The following DMBT1 variants were observed in gnomAD, a reference collection of about 807,000 sequenced individuals.
DMBT1 encodes the protein deleted in malignant brain tumors 1.
In DMBT1, 198 loss-of-function variants were observed where a neutral mutation model predicts 252.9. That is an observed-to-expected ratio of 0.78 (90% CI 0.70 to 0.88). The LOEUF is 0.88. Ranked by LOEUF, DMBT1 falls within the 40% of genes least tolerant of loss-of-function variation. The probability of loss-of-function intolerance (pLI) is 0.00; values close to 1 mark genes in which losing one functional copy is unlikely to be tolerated. For missense variants in DMBT1, 2,432 were observed against 2,404.7 expected, an observed-to-expected ratio of 1.01 and a Z score of -0.24; for synonymous variants, 990 against 942.7, an observed-to-expected ratio of 1.05 and a Z score of -0.92.
chr10:122,563,347 A>G (rs954979763), intron 1 of DMBT1, among the ~76,000 whole-genome samples: 2 of 152,206 alleles, frequency 1.3e-5, no homozygotes, highest in African/African-American at 4.8e-5. Flanking sequence ...ACTACTCTAG[A>G]CATTTTCCTC....
chr10:122,570,111 C>T, intron 2 of DMBT1, 51 bp from the exon 3 acceptor site: 1 of 1,516,458 alleles, frequency 6.6e-7, no homozygotes, highest in Non-Finnish European at 9.2e-7. Context: ...GGGACCAGCC[C>T]TCCCCAAGCA....
In DMBT1 at chr10:122,579,556, G is replaced by A. The variant is rs776674261; in HGVS notation, c.680-22G>A. 1.9e-5 allele frequency: 30 copies of A among 1,612,522 alleles called. No homozygotes were observed. In the Admixed American group the frequency reaches 4.8e-4, roughly 26 times the overall value. ...TGACCTCATGATAGGGATGGATGAAGGGTTCTTGTGTTCCCCTGTAGGATC... is the reference window on the plus strand; with the variant it reads ...TGACCTCATGATAGGGATGGATGAAAGGTTCTTGTGTTCCCCTGTAGGATC... On this transcript the variant is annotated intron_variant, in intron 9 of 55. Coordinates refer to ENST00000338354, the MANE Select transcript of DMBT1 (RefSeq NM_001377530.1).
At position 122,589,564 on chromosome 10, in the gene DMBT1, A is replaced by G. The variant is rs1468762507; in HGVS notation, c.2107+297A>G. Among the ~76,000 whole-genome samples the G allele has an allele frequency of 2.0e-5, 3 of 148,172 alleles. 1 individual carries two copies. Reference sequence around the variant, plus strand: ...GGTCTTTGCATTTTAGTGTGGCTGGAAAGGAATGGCTGGGGTCAGGTTATT... The same window carrying G: ...GGTCTTTGCATTTTAGTGTGGCTGGGAAGGAATGGCTGGGGTCAGGTTATT... On this transcript the variant is annotated intron_variant, in intron 17 of 55. Transcript: ENST00000338354.
intron 50 of DMBT1, 92 bp downstream of exon 50, chr10:122,631,967 C>T: frequency 7.1e-7 from 1 of 1,416,932 alleles, no homozygotes; most frequent in Admixed American, 1.7e-5. Context: ...GCTCACTCTC[C>T]AAGGAGTTCA....
rs1565893279 is a variant in DMBT1 at position 122,620,308 on chromosome 10, C to A, written c.5284+17C>A. On this transcript the variant is annotated intron_variant, in intron 43 of 55. Coordinates refer to ENST00000338354, the MANE Select transcript of DMBT1 (RefSeq NM_001377530.1). ...TGACAGTAGGTAAATAATCCTCTCGCCCCTCCCTAGGGCTCACTCTCTACC... is the reference window on the plus strand; with the variant it reads ...TGACAGTAGGTAAATAATCCTCTCGACCCTCCCTAGGGCTCACTCTCTACC... 4.3e-6 allele frequency: 7 copies of A among 1,613,818 alleles called. 1 individual carries two copies. In the South Asian group the frequency reaches 7.7e-5, roughly 18 times the overall value.
Position 122,594,515 on chromosome 10 carries a change from T to A in DMBT1, c.2550T>A (p.His850Gln). 1 of 426,502 alleles carries A rather than the reference T, an allele frequency of 2.3e-6. No individual in the cohort carries two copies. The highest frequency in any genetic ancestry group is 2.3e-5 in the South Asian group (1 of 43,958). The allele number at this position is 426,502 out of a possible 1,614,324, so 26.4% of individuals were successfully genotyped here. A position where few individuals can be genotyped will look rare whatever the true frequency, so the allele number is the denominator to read the frequency against. ...TTACAGATACTTGGCCGACCTCACATGCATCAACAGCAGGTAAATAACCCT... is the reference window on the plus strand; with the variant it reads ...TTACAGATACTTGGCCGACCTCACAAGCATCAACAGCAGGTAAATAACCCT... ...TPSPDTWPTS[H>Q]ASTAGPESSL... The change falls in exon 22 of 56, where the codon CAT (histidine) becomes CAA (glutamine). Residue 850 changes from histidine to glutamine, a missense_variant. Physicochemically the swap from His to Gln is conservative, Grantham distance 24. Around this residue, in one of 3 missense-constraint regions of DMBT1, gnomAD observed 1,264 missense variants for 1,082.2 expected, o/e 1.17. Transcript: ENST00000338354.
At chr10:122,634,793 G>A (rs1366627668) in intron 52 of DMBT1, among the ~76,000 whole-genome samples, 1 of 152,136 alleles carries the variant, frequency 6.6e-6, no homozygotes, top group Non-Finnish European at 1.5e-5. Context: ...CACCATGCCT[G>A]ATGTCAAAAG....
intron 48 of DMBT1, 24 bp downstream of exon 48, chr10:122,630,514 T>C (rs2098153989): frequency 1.2e-6 from 2 of 1,609,630 alleles, no homozygotes; most frequent in Non-Finnish European, 1.7e-6. Context: ...AGACCATGCC[T>C]ATGAGGCTTG....
intron 46 of DMBT1, among the ~76,000 whole-genome samples, chr10:122,628,288 C>T (rs767599655): frequency 1.3e-5 from 2 of 152,076 alleles, no homozygotes; most frequent in Non-Finnish European, 2.9e-5. Context: ...CATGGTGAAT[C>T]GAGAAACAAA....
intron 2 of DMBT1, among the ~76,000 whole-genome samples, chr10:122,568,247 C>T (rs903704032): frequency 8.6e-5 from 13 of 152,012 alleles, no homozygotes; most frequent in African/African-American, 3.1e-4. Flanking sequence ...AGGGAAGAGG[C>T]TGTGTTGAGT....
intron 42 of DMBT1, among the ~76,000 whole-genome samples, chr10:122,620,030 G>C (rs1030441995): frequency 2.6e-5 from 4 of 152,162 alleles, no homozygotes; most frequent in Non-Finnish European, 5.9e-5. Flanking sequence ...GCTGAGAAGA[G>C]GACATCTCAC....
chr10:122,588,979 G>A lies in DMBT1; in HGVS notation c.1819G>A (p.Gly607Arg). 1.3e-6 allele frequency: 2 copies of A among 1,588,500 alleles called. No individual in the cohort carries two copies. The highest frequency in any genetic ancestry group is 8.6e-7 in the Non-Finnish European group (1 of 1,165,866). Residue 607 changes from glycine (G) to arginine (R), a missense_variant, in exon 17 of 56, where the codon GGA (glycine) becomes AGA (arginine). By Grantham distance (125) the Gly-to-Arg change is moderately radical. This residue lies in a region of DMBT1 where 1,264 missense variants were observed against 1,082.2 expected (regional missense o/e 1.17). Transcript: ENST00000338354. ...ESSLALRLVN[G>R]GDRCQGRVEV... ...CAGTTTGGCCCTGAGGCTGGTGAATGGAGGTGACAGGTGTCAGGGCCGAGT... is the reference window on the plus strand; with the variant it reads ...CAGTTTGGCCCTGAGGCTGGTGAATAGAGGTGACAGGTGTCAGGGCCGAGT...
chr10:122,576,807 G>T, intron 7 of DMBT1, 85 bp downstream of exon 7: 2 of 1,553,566 alleles, frequency 1.3e-6, no homozygotes, highest in East Asian at 4.5e-5. Context: ...TAGGCAGATT[G>T]CTTGAGCTCA....
At position 122,600,014 on chromosome 10, in the gene DMBT1, C is replaced by T. The variant is rs548773752; in HGVS notation, c.3281-50C>T. 439 of 1,604,260 alleles carry T rather than the reference C, an allele frequency of 2.7e-4. 20 individuals are homozygous for T. In the South Asian group the frequency reaches 4.2e-3, roughly 15 times the overall value. On this transcript the variant is annotated intron_variant, in intron 26 of 55. Transcript: ENST00000338354. ...TCTTTCCCTCCTCGTTCCACTTTGC[C>T]GACTTCTGTGTAATGTTCCTGATCT...
chr10:122,630,076 G>C, intron 47 of DMBT1, 83 bp downstream of exon 47: 2 of 1,565,192 alleles, frequency 1.3e-6, no homozygotes, highest in Non-Finnish European at 1.7e-6. Context: ...GGGCTGGGAT[G>C]CTTTTCACTC....
At chr10:122,618,540 C>G (rs547151999) in intron 41 of DMBT1, among the ~76,000 whole-genome samples, 200 bp downstream of exon 41, 1 of 152,160 alleles carries the variant, frequency 6.6e-6, no homozygotes, top group Non-Finnish European at 1.5e-5. Flanking sequence ...GCCAGGGCTC[C>G]GAACTGAAAC....
intron 1 of DMBT1, among the ~76,000 whole-genome samples, chr10:122,563,392 G>A (rs1005853250): frequency 6.6e-6 from 1 of 152,146 alleles, no homozygotes; most frequent in African/African-American, 2.4e-5. Flanking sequence ...TAAAAGTAAT[G>A]TGAGCTCTTG....
intron 25 of DMBT1, 41 bp downstream of exon 25, chr10:122,598,053 C>A (rs1468314898): frequency 6.2e-7 from 1 of 1,612,998 alleles, no homozygotes; most frequent in African/African-American, 1.3e-5. Context: ...TCACTCTCTA[C>A]CTCTGGACAA....
intron 52 of DMBT1, 72 bp downstream of exon 52, chr10:122,633,413 G>A (rs554162364): frequency 6.4e-7 from 1 of 1,560,064 alleles, no homozygotes; most frequent in East Asian, 2.7e-5. Flanking sequence ...GTGCTTAAGT[G>A]TGCGCCCAGA....
Sources: allele counts gnomAD v4.1 joint callset (sites outside exome capture counted in the v4.1 genomes callset), GRCh38; gene constraint gnomAD v4.1.1; regional missense constraint gnomAD v4.1.1; transcripts MANE v1.5; gene names NCBI Gene and HGNC (gene_info 2026-07-23, HGNC 2026-07-21).